MPPE1: variants seen among roughly 807,000 people sequenced by gnomAD.
MPPE1 encodes metallo phosphoesterase.
In MPPE1, 28 loss-of-function variants were observed where a neutral mutation model predicts 43.8. The ratio of observed to expected loss-of-function variants is 0.64; its 90% CI spans 0.47 to 0.88. The LOEUF (loss-of-function observed/expected upper bound fraction) is 0.88. Among genes scored for constraint, MPPE1 ranks in the 40% least tolerant of loss-of-function variants. The probability of loss-of-function intolerance (pLI) is 0.00; values close to 1 mark genes in which losing one functional copy is unlikely to be tolerated. For missense variants in MPPE1, 428 were observed against 492.2 expected (o/e 0.87, Z 1.23); for synonymous variants, 159 against 188.5 (o/e 0.84, Z 1.28).
intron 4 of MPPE1, among the ~76,000 whole-genome samples, chr18:11,891,732 G>A (rs2038019440): frequency 6.6e-6 from 1 of 152,150 alleles, no homozygotes; most frequent in Non-Finnish European, 1.5e-5. Flanking sequence ...AATTGTCCTA[G>A]GAAATGCCAG....
chr18:11,888,598 T>C (rs983820335), intron 6 of MPPE1, 71 bp downstream of exon 6: 11 of 892,778 alleles, frequency 1.2e-5, no homozygotes, highest in African/African-American at 6.8e-5. Context: ...GATCCCAGTA[T>C]GGCAGGCACC....
intron 2 of MPPE1, chr18:11,905,043 C>T (rs1476776335): frequency 6.6e-6 from 1 of 151,366 alleles, no homozygotes; most frequent in Non-Finnish European, 1.5e-5. Flanking sequence ...AGGTGGCTCA[C>T]ACCCTGTAAT....
intron 2 of MPPE1, among the ~76,000 whole-genome samples, chr18:11,900,924 AGTAAGAGAAAAAGAAAAATAAATAG>A (rs1276500104): frequency 6.6e-6 from 1 of 151,166 alleles, no homozygotes; most frequent in Non-Finnish European, 1.5e-5. Flanking sequence ...AAAAAAAAAA[AGTAAGAGAAAAAGAAAAATAAATAG>A]GTGTGAAAAT....
chr18:11,896,152 A>C (rs927321928), intron 3 of MPPE1, among the ~76,000 whole-genome samples: 2 of 120,316 alleles, frequency 1.7e-5, no homozygotes, highest in African/African-American at 3.3e-5. Context: ...CCCAGGCTGG[A>C]GTGCAGTGGT....
chr18:11,886,721 G>A lies in MPPE1; in HGVS notation c.736C>T (p.Leu246Phe). The A allele has an allele frequency of 1.9e-6, 3 of 1,613,640 alleles. No homozygotes were observed. The highest frequency in any genetic ancestry group is 2.5e-6 in the Non-Finnish European group (3 of 1,180,026). Residue 246 changes from leucine to phenylalanine, a missense_variant, in exon 8 of 11, where the codon CTC becomes TTC. This residue lies in a region of MPPE1 where 379 missense variants were observed against 402.5 expected (regional missense o/e 0.94). Coordinates refer to ENST00000588072, the MANE Select transcript of MPPE1 (RefSeq NM_023075.6). This position sits in a 1 kb window ranked among gnomAD's most constrained non-coding sequence, Gnocchi z 4.1. ...GPLLPTSAPV[L>F]LQHYPLYRRS... ...TTCCTCCCCCAGCTCACCTGCAGGAGGACAGGGGCAGACGTGGGCAGCAGA... is the reference window on the plus strand; with the variant it reads ...TTCCTCCCCCAGCTCACCTGCAGGAAGACAGGGGCAGACGTGGGCAGCAGA...
rs773985657 is a variant in MPPE1, at chr18:11,885,680, A to C, written c.1004T>G (p.Ile335Ser). The C allele has an allele frequency of 6.2e-7, 1 of 1,612,418 alleles. No homozygotes were observed. Among genetic ancestry groups the C allele is most frequent in the Non-Finnish European group, 8.5e-7 (1 of 1,178,830 alleles). Residue 335 changes from isoleucine (I) to serine (S), a missense_variant, in exon 10 of 11, where the codon ATC becomes AGC. Transcript: ENST00000588072. ...SWRNRNNPSFIMGSITPTDYT... is the reference protein window; with the variant it reads ...SWRNRNNPSFSMGSITPTDYT... ...AAAAATAAACTTTCACGTTACCATG[A>C]TGAAACTGGGGTTGTTTCTGTTCCT...
rs1297100185 is a variant in MPPE1 at position 11,906,247 on chromosome 18, G to A, written c.-137C>T. 6.6e-6 allele frequency: 1 copy of A among 152,132 alleles called. No homozygotes were observed. The highest frequency in any genetic ancestry group is 1.5e-5 in the Non-Finnish European group (1 of 68,024). The allele number at this position is 152,132 out of a possible 1,614,324, so 9.4% of individuals were successfully genotyped here. A position where few individuals can be genotyped will look rare whatever the true frequency, so the allele number is the denominator to read the frequency against. On this transcript the variant is annotated 5_prime_UTR_variant, in exon 2 of 11. Coordinates refer to ENST00000588072, the MANE Select transcript of MPPE1 (RefSeq NM_023075.6). ...TCACCAAGTCACCTCATCTTTTAAA[G>A]ACAGAGAGATTGGTACGAGGCTCTA...
chr18:11,899,503 T>G (rs568602892), intron 2 of MPPE1, among the ~76,000 whole-genome samples: 3 of 152,304 alleles, frequency 2.0e-5, no homozygotes, highest in Non-Finnish European at 4.4e-5. Context: ...GAGCTTTGCA[T>G]CCTGTAAAGA....
chr18:11,905,193 G>C (rs1181622942), intron 2 of MPPE1: 1 of 152,168 alleles, frequency 6.6e-6, no homozygotes, highest in East Asian at 1.9e-4. Context: ...TGTAATCCCA[G>C]CTACTCAGGA....
At chr18:11,888,360 G>A (rs935525400) in intron 6 of MPPE1, among the ~76,000 whole-genome samples, 1 of 152,200 alleles carries the variant, frequency 6.6e-6, no homozygotes, top group Non-Finnish European at 1.5e-5. Flanking sequence ...AAAGTGGGCT[G>A]ATGAAATTTG....
At chr18:11,884,670 A>C in intron 10 of MPPE1, 43 bp from the exon 11 acceptor site, 1 of 1,581,966 alleles carries the variant, frequency 6.3e-7, no homozygotes, top group Non-Finnish European at 8.7e-7. Context: ...CACCAGGCAC[A>C]CGTTGAACAC....
At chr18:11,892,460 A>G (rs930169018) in intron 4 of MPPE1, among the ~76,000 whole-genome samples, 12 of 152,042 alleles carry the variant, frequency 7.9e-5, no homozygotes, top group Admixed American at 2.0e-4. Flanking sequence ...ACCTGAGGTC[A>G]GGAGTTTGAG....
chr18:11,906,159 C>A (rs1021126932), intron 2 of MPPE1, 44 bp downstream of exon 2: 3 of 152,164 alleles, frequency 2.0e-5, no homozygotes, highest in Non-Finnish European at 4.4e-5. Context: ...TCTCTGGTAC[C>A]TCCAGACATA....
At chr18:11,906,864 A>AAG (rs2039772331) in intron 1 of MPPE1, among the ~76,000 whole-genome samples, 2 of 151,848 alleles carry the variant, frequency 1.3e-5, no homozygotes, top group Non-Finnish European at 2.9e-5. Context: ...CAAAAAAAAA[A>AAG]AAAAAAAATT....
At position 11,883,247 on chromosome 18, in the gene MPPE1, C is replaced by T. The variant is rs2036761314; in HGVS notation, c.*1198G>A. On this transcript the variant is annotated 3_prime_UTR_variant, in exon 11 of 11. Coordinates refer to ENST00000588072, the MANE Select transcript of MPPE1 (RefSeq NM_023075.6). The stretch of plus-strand genomic sequence containing the variant: ...CCTCCCCATCCACTGTCTCATAAAG[C>T]CCTCAGCTGAACTAAGATAAATAAT... The T allele has an allele frequency of 6.6e-6, 1 of 152,148 alleles. No homozygotes were observed. The highest frequency in any genetic ancestry group is 1.5e-5 in the Non-Finnish European group (1 of 68,032). 9.4% of individuals were successfully genotyped at this position (152,148 alleles called of 1,614,324 possible).
chr18:11,896,876 G>A, intron 3 of MPPE1, 108 bp downstream of exon 3: 3 of 1,012,922 alleles, frequency 3.0e-6, no homozygotes, highest in Non-Finnish European at 2.9e-6. Context: ...CCTCCTTTGA[G>A]AGGAAAATAA....
At chr18:11,894,702 C>T (rs774882079) in intron 3 of MPPE1, among the ~76,000 whole-genome samples, 5 of 152,056 alleles carry the variant, frequency 3.3e-5, no homozygotes, top group East Asian at 1.9e-4. Context: ...ATGATTCTTC[C>T]GCCTCAGCCT....
rs2144002555 is a variant in MPPE1 at position 11,884,209 on chromosome 18, C to T, written c.*236G>A. On this transcript the variant is annotated 3_prime_UTR_variant, in exon 11 of 11. Transcript: ENST00000588072. ...TGTACAGATGCAACCTTTGATGATA[C>T]ATATATTTGATAAAAATGAGAAAAC... The T allele has an allele frequency of 4.0e-6, 2 of 500,686 alleles. No individual in the cohort carries two copies. The highest frequency in any genetic ancestry group is 3.4e-5 in the East Asian group (1 of 29,656). 31.0% of individuals were successfully genotyped at this position (500,686 alleles called of 1,614,324 possible).
chr18:11,892,355 G>GAAAAAAA (rs548540889), intron 4 of MPPE1, among the ~76,000 whole-genome samples: 4 of 93,462 alleles, frequency 4.3e-5, no homozygotes, highest in East Asian at 3.2e-4. Context: ...GCACCAAAAA[G>GAAAAAAA]AAAAAAAAAA....
Sources: allele counts gnomAD v4.1 joint callset (sites outside exome capture counted in the v4.1 genomes callset), GRCh38; gene constraint gnomAD v4.1.1; regional missense constraint gnomAD v4.1.1; non-coding constraint Gnocchi (gnomAD v3.1); transcripts MANE v1.5; gene names NCBI Gene and HGNC (gene_info 2026-07-23, HGNC 2026-07-21).